PTGR3: variants seen among roughly 807,000 people sequenced by gnomAD.
The protein encoded by PTGR3 is zinc binding alcohol dehydrogenase domain containing 2.
At chr18:75,204,710 G>T in the PTGR3 span, among the ~76,000 whole-genome samples, 1 of 152,252 alleles carries the variant, frequency 6.6e-6, no homozygotes, top group African/African-American at 2.4e-5. Context: ...GCCCGGCGCC[G>T]CGGTGGAGTT....
chr18:75,205,349 C>T, the PTGR3 span: 1 of 984,680 alleles, frequency 1.0e-6, no homozygotes, highest in Non-Finnish European at 1.2e-6. Flanking sequence ...GAAGGATTCG[C>T]GCATTTGGAG....
chr18:75,206,245 T>C, the PTGR3 span, among the ~76,000 whole-genome samples: 1 of 152,208 alleles, frequency 6.6e-6, no homozygotes, highest in Non-Finnish European at 1.5e-5. Flanking sequence ...AATCAATGTC[T>C]AGCTTACAAG....
the PTGR3 span, among the ~76,000 whole-genome samples, chr18:75,204,489 C>T: frequency 6.6e-6 from 1 of 152,196 alleles, no homozygotes; most frequent in Non-Finnish European, 1.5e-5. Flanking sequence ...CACCAAACAT[C>T]GTGGTTATTC....
At chr18:75,204,916 A>C in the PTGR3 span, among the ~76,000 whole-genome samples, 2 of 152,080 alleles carry the variant, frequency 1.3e-5, no homozygotes, top group Admixed American at 6.5e-5. Context: ...CGGCGGCTTG[A>C]CCGTGACCTT....
the PTGR3 span, chr18:75,208,785 C>T: frequency 3.1e-6 from 4 of 1,293,610 alleles, no homozygotes; most frequent in Admixed American, 4.1e-5. Context: ...ACTGCGGGAG[C>T]GGCGCGGCGC....
At chr18:75,201,363 A>C in the PTGR3 span, 1 of 1,440,202 alleles carries the variant, frequency 6.9e-7, no homozygotes, top group Non-Finnish European at 9.5e-7. Context: ...AGTAATTCTG[A>C]GACATAAAGT....
the PTGR3 span, among the ~76,000 whole-genome samples, chr18:75,203,031 A>T: frequency 6.6e-6 from 1 of 152,228 alleles, no homozygotes; most frequent in Non-Finnish European, 1.5e-5. Context: ...TTGAACAAAA[A>T]TTGGGTAGAG....
chr18:75,204,786 C>G, the PTGR3 span, among the ~76,000 whole-genome samples: 15,098 of 152,178 alleles, frequency 0.099, 996 homozygotes, highest in Middle Eastern at 0.19. Flanking sequence ...CCGGCAGGCG[C>G]GCCCAGTCCG....
chr18:75,207,684 C>T, the PTGR3 span, among the ~76,000 whole-genome samples: 5 of 139,924 alleles, frequency 3.6e-5, no homozygotes, highest in African/African-American at 1.3e-4. Context: ...AGTTTTATAT[C>T]GTGATCAGCA....
At chr18:75,205,106 C>T in the PTGR3 span, 768 of 970,530 alleles carry the variant, frequency 7.9e-4, 2 homozygotes, top group Non-Finnish European at 9.1e-4. Flanking sequence ...CGGACCCCCA[C>T]CTCCACCGGG....
At chr18:75,201,645 CCCTGTACG>C in the PTGR3 span, 1 of 1,614,182 alleles carries the variant, frequency 6.2e-7, no homozygotes, top group Admixed American at 1.7e-5. Context: ...CAGGAAGAAG[CCCTGTACG>C]CTGGCAGATT....
chr18:75,201,593 C>T, the PTGR3 span: 1 of 1,614,170 alleles, frequency 6.2e-7, no homozygotes, highest in Non-Finnish European at 8.5e-7. Flanking sequence ...ACATCTCGAG[C>T]AAGTGGCTCA....
At chr18:75,208,292 G>A in the PTGR3 span, 3 of 976,426 alleles carry the variant, frequency 3.1e-6, no homozygotes, top group Non-Finnish European at 3.7e-6. Flanking sequence ...ACAGCACGCA[G>A]ACAACACCGG....
At chr18:75,208,975 G>A in the PTGR3 span, 17 of 1,594,906 alleles carry the variant, frequency 1.1e-5, no homozygotes, top group Non-Finnish European at 1.4e-5. Flanking sequence ...CTTGGGGAAT[G>A]GCGGAGCCCT....
At chr18:75,204,986 G>T in the PTGR3 span, among the ~76,000 whole-genome samples, 58 of 152,296 alleles carry the variant, frequency 3.8e-4, no homozygotes, top group Middle Eastern at 0.014. Context: ...CTTCTAAATT[G>T]TCTGCGTCGT....
the PTGR3 span, chr18:75,202,091 C>A: frequency 4.3e-6 from 7 of 1,613,920 alleles, no homozygotes; most frequent in East Asian, 4.5e-5. Flanking sequence ...CACTTACCAG[C>A]AGGGTAAGAT....
the PTGR3 span, chr18:75,201,251 G>A: frequency 1.6e-6 from 1 of 609,988 alleles, no homozygotes; most frequent in Non-Finnish European, 2.7e-6. Context: ...TCCCCCAAGG[G>A]AAGAGGAGGA....
chr18:75,201,503 T>C, the PTGR3 span: 1 of 1,614,188 alleles, frequency 6.2e-7, no homozygotes, highest in Admixed American at 1.7e-5. Flanking sequence ...CAGCACGGAA[T>C]ATGGACTCCA....
chr18:75,203,324 C>T, the PTGR3 span, among the ~76,000 whole-genome samples: 7 of 152,062 alleles, frequency 4.6e-5, no homozygotes, highest in Admixed American at 4.6e-4. Flanking sequence ...ATGGAAGACC[C>T]TAAAAATGTC....
Sources: allele counts gnomAD v4.1 joint callset (sites outside exome capture counted in the v4.1 genomes callset), GRCh38; gene constraint gnomAD v4.1.1; transcripts MANE v1.5; gene names NCBI Gene and HGNC (gene_info 2026-07-23, HGNC 2026-07-21).